The following CMIP variants were observed in gnomAD, a reference collection of about 807,000 sequenced individuals.
The protein encoded by CMIP is c-Maf inducing protein.
In CMIP, 13 loss-of-function variants were observed where a neutral mutation model predicts 97.3. The observed-to-expected ratio is 0.13, with a 90% CI of 0.09 to 0.21. The LOEUF is 0.21. CMIP is among the 10% of genes least tolerant of loss of function. CMIP has a pLI of 1.00. For synonymous variants in CMIP, 538 were observed against 436.3 expected (o/e 1.23, Z -2.91); for missense variants, 847 against 1,024.9 (o/e 0.83, Z 2.37).
chr16:81,495,340 C>T (rs985773758), intron 1 of CMIP: 11 of 1,468,280 alleles, frequency 7.5e-6, no homozygotes, highest in African/African-American at 2.8e-5. Context: ...AGGAGCCAGG[C>T]GACCCACAGG....
Position 81,567,877 on chromosome 16 carries a change from GTTGAC to G in CMIP, c.301-39681_301-39677del, listed in dbSNP as rs1280969659. ...CGTAGTAGGTGCTTGATAAATAGTT[GTTGAC>G]TTGACTTGTTAGCAGCTGGTAGAAG... On this transcript the variant is annotated intron_variant, in intron 1 of 20. Transcript: ENST00000537098. 1.1e-4 allele frequency among the ~76,000 whole-genome samples: 17 copies of G among 152,266 alleles called. No homozygotes were observed. The South Asian group carries it at 2.5e-3, about 22-fold the overall frequency.
chr16:81,673,946 G>C (rs2092705856), intron 9 of CMIP, among the ~76,000 whole-genome samples: 1 of 152,316 alleles, frequency 6.6e-6, no homozygotes, highest in Admixed American at 6.5e-5. Flanking sequence ...GAAGGCAGTA[G>C]AGCATTCTGA....
chr16:81,566,830 A>C (rs935216381), intron 1 of CMIP, among the ~76,000 whole-genome samples: 12 of 152,250 alleles, frequency 7.9e-5, no homozygotes, highest in Non-Finnish European at 1.3e-4. Flanking sequence ...ATGAAAAATA[A>C]ACACCATGGA....
intron 9 of CMIP, among the ~76,000 whole-genome samples, chr16:81,676,967 G>T (rs918852278): frequency 2.0e-5 from 3 of 152,188 alleles, no homozygotes; most frequent in Admixed American, 6.5e-5. Flanking sequence ...CGTTGTGCTC[G>T]AAGTCTTGGA....
chr16:81,704,109 G>C (rs888948049), intron 18 of CMIP, 24 bp downstream of exon 18: 1 of 1,593,126 alleles, frequency 6.3e-7, no homozygotes, highest in African/African-American at 1.3e-5. Flanking sequence ...CCCTGCTGCA[G>C]TCCCCCACAC....
intron 13 of CMIP, 94 bp downstream of exon 13, chr16:81,693,581 A>T (rs938882633): frequency 6.6e-6 from 9 of 1,366,154 alleles, no homozygotes; most frequent in Non-Finnish European, 9.0e-6. Flanking sequence ...TGTCACCAAC[A>T]GGCATTCAGA....
At chr16:81,702,735 C>A (rs138789146) in intron 17 of CMIP, 66 bp downstream of exon 17, 21 of 1,438,126 alleles carry the variant, frequency 1.5e-5, no homozygotes, top group East Asian at 2.3e-5. Flanking sequence ...TGTTGGGGAA[C>A]GGCAGGTGGT....
intron 1 of CMIP, among the ~76,000 whole-genome samples, chr16:81,490,186 A>T (rs1163780292): frequency 1.3e-5 from 2 of 152,180 alleles, no homozygotes; most frequent in Admixed American, 6.5e-5. Context: ...CATCACTACC[A>T]GTTAGTAGTT....
intron 1 of CMIP, among the ~76,000 whole-genome samples, chr16:81,472,957 C>T (rs1907648744): frequency 6.6e-6 from 1 of 152,228 alleles, no homozygotes; most frequent in African/African-American, 2.4e-5. Flanking sequence ...TGTTTAACTG[C>T]TTGCCCTGAA....
chr16:81,488,792 C>G (rs1398643355), intron 1 of CMIP, among the ~76,000 whole-genome samples: 1 of 152,104 alleles, frequency 6.6e-6, no homozygotes, highest in South Asian at 2.1e-4. Context: ...TTCTGCAGGC[C>G]CAGTGTGATC....
At chr16:81,588,975 T>G (rs936434680) in intron 1 of CMIP, among the ~76,000 whole-genome samples, 3 of 152,144 alleles carry the variant, frequency 2.0e-5, no homozygotes, top group Non-Finnish European at 4.4e-5. Context: ...AAAGTCAGGT[T>G]TTCTGTTCTC....
intron 1 of CMIP, among the ~76,000 whole-genome samples, chr16:81,501,989 C>T (rs778789211): frequency 4.6e-5 from 7 of 152,142 alleles, no homozygotes; most frequent in Non-Finnish European, 8.8e-5. Context: ...GATGGGAGGA[C>T]TTTTTTATTC....
rs1002761870 is a variant in CMIP, at chr16:81,582,162, A to G, written c.301-25405A>G. On this transcript the variant is annotated intron_variant, in intron 1 of 20. Transcript: ENST00000537098. ...TATTAAATCCTGAGAAACTGCCCCC[A>G]TGATCCAATCACCTCCCACAGGCCC... is the stretch of plus-strand genomic sequence containing the variant. 3.9e-5 allele frequency among the ~76,000 whole-genome samples: 6 copies of G among 152,134 alleles called. 1 individual carries two copies. Among genetic ancestry groups the G allele is most frequent in the Admixed American group, 3.3e-4 (5 of 15,272 alleles).
chr16:81,586,237 T>A (rs2091380621), intron 1 of CMIP, among the ~76,000 whole-genome samples: 1 of 152,126 alleles, frequency 6.6e-6, no homozygotes, highest in South Asian at 2.1e-4. Context: ...TGGGCCCTAT[T>A]GATGGGATAG....
intron 1 of CMIP, among the ~76,000 whole-genome samples, chr16:81,465,481 A>G (rs1907148440): frequency 6.6e-6 from 1 of 152,214 alleles, no homozygotes; most frequent in Non-Finnish European, 1.5e-5. Flanking sequence ...CTCTGTCCCC[A>G]GACTGGACCC....
intron 1 of CMIP, among the ~76,000 whole-genome samples, chr16:81,514,411 C>G (rs2089871585): frequency 6.6e-6 from 1 of 152,164 alleles, no homozygotes; most frequent in Non-Finnish European, 1.5e-5. Context: ...ACTTGGGGTG[C>G]AGTGGTCAGG....
chr16:81,658,862 C>G (rs1225212754), intron 5 of CMIP, among the ~76,000 whole-genome samples: 1 of 152,252 alleles, frequency 6.6e-6, no homozygotes, highest in African/African-American at 2.4e-5. Context: ...CCCTCACGCT[C>G]CTCTAGCCGA....
chr16:81,519,034 C>T (rs146996126), intron 1 of CMIP: 11,931 of 152,188 alleles, frequency 0.078, 712 homozygotes, highest in East Asian at 0.35. Context: ...GGGGTTTCAC[C>T]GTGTTGGCCA....
chr16:81,604,646 G>A (rs2091712418), intron 1 of CMIP, among the ~76,000 whole-genome samples: 2 of 152,192 alleles, frequency 1.3e-5, no homozygotes, highest in African/African-American at 2.4e-5. Context: ...GTTGCAGTGA[G>A]CCGAGATCGC....
Sources: gnomAD v4.1 joint callset for allele counts (sites outside exome capture counted in the v4.1 genomes callset) on GRCh38, gnomAD v4.1.1 for gene constraint, MANE v1.5 for transcripts, NCBI Gene and HGNC (gene_info 2026-07-23, HGNC 2026-07-21) for gene names.